DLG2: variants seen among roughly 807,000 people sequenced by gnomAD.
The protein encoded by DLG2 is disks large homolog 2.
A neutral mutation model predicts 132.5 loss-of-function variants in DLG2; 45 were observed. That is an observed-to-expected ratio of 0.34 (90% CI 0.27 to 0.44). The LOEUF is 0.44. Ranked by LOEUF, DLG2 falls within the 20% of genes least tolerant of loss-of-function variation. The pLI is 1.00. For synonymous variants in DLG2, 424 were observed against 419.6 expected, an observed-to-expected ratio of 1.01 and a Z score of -0.13; for missense variants, 1,045 against 1,196.9, an observed-to-expected ratio of 0.87 and a Z score of 1.87.
intron 3 of DLG2, among the ~76,000 whole-genome samples, chr11:85,498,442 G>C (rs1435826289): frequency 2.6e-5 from 4 of 152,178 alleles, no homozygotes; most frequent in African/African-American, 4.8e-5. Flanking sequence ...AGTCCTGAGA[G>C]ACCTAAAAAG....
chr11:84,040,121 C>T (rs1041500190), intron 11 of DLG2, among the ~76,000 whole-genome samples: 4 of 150,964 alleles, frequency 2.6e-5, no homozygotes, highest in African/African-American at 9.7e-5. Context: ...TGGATATTAG[C>T]CCTTTGTCAG....
chr11:84,734,999 T>C (rs574029990), intron 6 of DLG2, among the ~76,000 whole-genome samples: 30 of 152,194 alleles, frequency 2.0e-4, no homozygotes, highest in Non-Finnish European at 4.0e-4. Flanking sequence ...AACTTGGTCA[T>C]GGTGGATAAG....
chr11:83,866,469 C>G (rs1024304917), intron 16 of DLG2, among the ~76,000 whole-genome samples: 9 of 152,052 alleles, frequency 5.9e-5, no homozygotes, highest in Non-Finnish European at 1.2e-4. Flanking sequence ...TTAACTAGCT[C>G]TTTAGTGACA....
At chr11:84,731,820 T>C (rs998136680) in intron 6 of DLG2, among the ~76,000 whole-genome samples, 2 of 152,060 alleles carry the variant, frequency 1.3e-5, no homozygotes, top group Non-Finnish European at 2.9e-5. Flanking sequence ...CATTTAAATC[T>C]GGTAATTTTC....
At chr11:83,989,047 T>C (rs1241097838) in intron 11 of DLG2, among the ~76,000 whole-genome samples, 1 of 152,126 alleles carries the variant, frequency 6.6e-6, no homozygotes, top group African/African-American at 2.4e-5. Flanking sequence ...AGTGAAAGAA[T>C]GAATGAACAA....
chr11:85,434,479 T>C (rs2091370318), intron 3 of DLG2, among the ~76,000 whole-genome samples: 1 of 150,416 alleles, frequency 6.6e-6, no homozygotes, highest in African/African-American at 2.4e-5. Context: ...CAATAAAAAA[T>C]GATAAATGGG....
intron 19 of DLG2, among the ~76,000 whole-genome samples, chr11:83,574,687 C>T (rs1311381623): frequency 6.6e-6 from 1 of 152,178 alleles, no homozygotes; most frequent in Non-Finnish European, 1.5e-5. Flanking sequence ...TCTGCCATAA[C>T]TAGAAGATGA....
intron 2 of DLG2, among the ~76,000 whole-genome samples, chr11:85,611,556 G>C (rs1262000527): frequency 4.6e-5 from 7 of 152,228 alleles, no homozygotes; most frequent in Non-Finnish European, 1.0e-4. Context: ...GGCAGGTTAT[G>C]CCATAGTTAA....
chr11:85,013,717 T>A (rs1298164100), intron 6 of DLG2, among the ~76,000 whole-genome samples: 1 of 152,174 alleles, frequency 6.6e-6, no homozygotes, highest in Non-Finnish European at 1.5e-5. Context: ...TAAGTTAAGT[T>A]ACTAAGTATA....
chr11:84,915,722 G>C (rs1265315234), intron 6 of DLG2, among the ~76,000 whole-genome samples: 1 of 152,136 alleles, frequency 6.6e-6, no homozygotes, highest in African/African-American at 2.4e-5. Context: ...AACTCTCCTT[G>C]TTGTGCATCT....
At chr11:84,388,966 C>T (rs1039034969) in intron 7 of DLG2, among the ~76,000 whole-genome samples, 3 of 152,076 alleles carry the variant, frequency 2.0e-5, no homozygotes, top group Non-Finnish European at 4.4e-5. Flanking sequence ...AGTTTGCTTT[C>T]CTCCACTAAA....
At chr11:85,171,111 G>T (rs963341557) in intron 4 of DLG2, among the ~76,000 whole-genome samples, 11 of 152,252 alleles carry the variant, frequency 7.2e-5, no homozygotes, top group Admixed American at 7.2e-4. Flanking sequence ...ATATCTCAAG[G>T]GGTGCCAGAT....
intron 7 of DLG2, among the ~76,000 whole-genome samples, chr11:84,526,047 C>A (rs1340942386): frequency 6.6e-6 from 1 of 152,150 alleles, no homozygotes; most frequent in Non-Finnish European, 1.5e-5. Flanking sequence ...GAGACCTCTT[C>A]TTTCACACTT....
intron 7 of DLG2, among the ~76,000 whole-genome samples, chr11:84,474,143 C>T (rs2099115626): frequency 6.6e-6 from 1 of 152,006 alleles, no homozygotes; most frequent in African/African-American, 2.4e-5. Context: ...TTTCTGATCC[C>T]TTGTATCAAG....
At chr11:85,428,451 C>G (rs550581522) in intron 3 of DLG2, among the ~76,000 whole-genome samples, 1 of 152,154 alleles carries the variant, frequency 6.6e-6, no homozygotes, top group African/African-American at 2.4e-5. Flanking sequence ...TGCAATCAAA[C>G]TAGAACTCAG....
intron 3 of DLG2, among the ~76,000 whole-genome samples, chr11:85,331,386 C>A (rs2081734435): frequency 6.6e-6 from 1 of 152,154 alleles, no homozygotes; most frequent in Non-Finnish European, 1.5e-5. Flanking sequence ...CATTTAACTT[C>A]TTTTTGTGTG....
intron 7 of DLG2, among the ~76,000 whole-genome samples, chr11:84,445,406 A>G (rs2099030671): frequency 6.6e-6 from 1 of 152,204 alleles, no homozygotes; most frequent in Non-Finnish European, 1.5e-5. Flanking sequence ...GTATAGAAAC[A>G]GATTTGTAAA....
intron 7 of DLG2, among the ~76,000 whole-genome samples, chr11:84,505,407 CA>C (rs2154512256): frequency 6.6e-6 from 1 of 152,212 alleles, no homozygotes; most frequent in South Asian, 2.1e-4. Context: ...TGTAGTTAGG[CA>C]ATCTGAGACT....
intron 6 of DLG2, among the ~76,000 whole-genome samples, chr11:84,716,042 T>C (rs1050285837): frequency 6.6e-6 from 1 of 152,100 alleles, no homozygotes; most frequent in Admixed American, 6.6e-5. Flanking sequence ...TGTACATAGG[T>C]TCCCTTTTCT....
Sources: gnomAD v4.1 joint callset for allele counts (sites outside exome capture counted in the v4.1 genomes callset) on GRCh38, gnomAD v4.1.1 for gene constraint, MANE v1.5 for transcripts, NCBI Gene and HGNC (gene_info 2026-07-23, HGNC 2026-07-21) for gene names.